The following OTX2 variants were observed in gnomAD, a reference collection of about 807,000 sequenced individuals.
The protein encoded by OTX2 is homeobox protein OTX2.
A neutral mutation model predicts 29.0 loss-of-function variants in OTX2; 4 were observed. The ratio of observed to expected loss-of-function variants is 0.14; its 90% CI spans 0.07 to 0.32. The LOEUF (loss-of-function observed/expected upper bound fraction) is 0.32, where lower values mean the gene tolerates loss of function less well. Ranked by LOEUF, OTX2 falls within the 10% of genes least tolerant of loss-of-function variation. OTX2 has a pLI of 1.00. For missense variants in OTX2, 298 were observed against 365.9 expected (o/e 0.81, Z 1.51); for synonymous variants, 134 against 141.0 (o/e 0.95, Z 0.35).
intron 1 of OTX2, 71 bp from the exon 2 acceptor site, chr14:56,810,293 C>G (rs1025509029): frequency 2.6e-5 from 4 of 152,114 alleles, no homozygotes; most frequent in Admixed American, 2.0e-4. Context: ...TCAAACACAA[C>G]CAAAAAAAAT....
chr14:56,801,417 A>T lies in OTX2; in HGVS notation c.*318T>A. The T allele has an allele frequency of 2.5e-6, 1 of 402,694 alleles. No individual in the cohort carries two copies. The allele number at this position is 402,694 out of a possible 1,614,324, so 24.9% of individuals were successfully genotyped here. A position where few individuals can be genotyped will look rare whatever the true frequency, so the allele number is the denominator to read the frequency against. On this transcript the variant is annotated 3_prime_UTR_variant, in exon 5 of 5. Transcript: ENST00000672264. This position sits in a 1 kb window ranked among gnomAD's most constrained non-coding sequence, Gnocchi z 4.2. Reference sequence around the variant, plus strand: ...TATGACCTTCCCTCCCTTCCTTCACAACTTAGTTTTGTTTGATTTTATTTT... The same window carrying T: ...TATGACCTTCCCTCCCTTCCTTCACTACTTAGTTTTGTTTGATTTTATTTT...
At position 56,804,858 on chromosome 14, in the gene OTX2, C is replaced by G. The variant is rs1020780204; in HGVS notation, c.98-495G>C. ...ACATATCTGATTGGAAAGGAAAGCA[C>G]CCGCATTTGGAGGAAGTCACGCCTC... is the stretch of plus-strand genomic sequence containing the variant. On this transcript the variant is annotated intron_variant, in intron 3 of 4. Coordinates refer to ENST00000672264, the MANE Select transcript of OTX2 (RefSeq NM_021728.4). This position sits in a 1 kb window ranked among gnomAD's most constrained non-coding sequence, Gnocchi z 4.1. 2.1e-5 allele frequency among the ~76,000 whole-genome samples: 3 copies of G among 141,510 alleles called. No homozygotes were observed. The highest frequency in any genetic ancestry group is 1.6e-5 in the Non-Finnish European group (1 of 63,946). 92.8% of individuals were successfully genotyped at this position (141,510 alleles called of 152,430 possible). A position where few individuals can be genotyped will look rare whatever the true frequency, so the allele number is the denominator to read the frequency against.
At chr14:56,803,711 A>G (rs1361162222) in intron 4 of OTX2, among the ~76,000 whole-genome samples, 1 of 152,202 alleles carries the variant, frequency 6.6e-6, no homozygotes, top group Non-Finnish European at 1.5e-5. Flanking sequence ...AGGAAAATAC[A>G]TTCTTTTTGT....
intron 2 of OTX2, chr14:56,806,873 TTCCTAAAA>T (rs1349417970): frequency 1.3e-5 from 2 of 152,228 alleles, no homozygotes; most frequent in Non-Finnish European, 2.9e-5. Flanking sequence ...GGCCTTTATT[TTCCTAAAA>T]TGTGGCACTT....
chr14:56,799,966 G>C lies in OTX2; in HGVS notation c.*1769C>G, dbSNP rs977045966. 6.6e-6 allele frequency: 1 copy of C among 152,170 alleles called. No individual in the cohort carries two copies. Among genetic ancestry groups the C allele is most frequent in the African/African-American group, 2.4e-5 (1 of 41,440 alleles). The allele number at this position is 152,170 out of a possible 1,614,324, so 9.4% of individuals were successfully genotyped here. On this transcript the variant is annotated 3_prime_UTR_variant, in exon 5 of 5. Transcript: ENST00000672264. ...ATCAAGAGTCACTTAATTTTGGTCA[G>C]CTGTAAGAGCTTAAGCAGCTTAAAA...
chr14:56,803,278 C>T (rs1293695181), intron 4 of OTX2, among the ~76,000 whole-genome samples: 2 of 152,164 alleles, frequency 1.3e-5, no homozygotes, highest in African/African-American at 4.8e-5. Context: ...GTATGGGTGC[C>T]GTAACTGTGG....
chr14:56,808,548 C>T (rs1198831599), intron 2 of OTX2, among the ~76,000 whole-genome samples: 1 of 152,140 alleles, frequency 6.6e-6, no homozygotes, highest in Non-Finnish European at 1.5e-5. Flanking sequence ...TATTAATTAT[C>T]GTTGGGAGAA....
At chr14:56,807,407 G>A (rs1036645111) in intron 2 of OTX2, among the ~76,000 whole-genome samples, 9 of 152,108 alleles carry the variant, frequency 5.9e-5, no homozygotes, top group African/African-American at 2.2e-4. Flanking sequence ...GAACTACAGT[G>A]CTATAGAGAA....
chr14:56,808,289 C>G (rs1892159544), intron 2 of OTX2, among the ~76,000 whole-genome samples: 1 of 152,204 alleles, frequency 6.6e-6, no homozygotes, highest in Admixed American at 6.5e-5. Context: ...TGCTTCTCGT[C>G]CGGGCTGATT....
At chr14:56,807,239 G>C (rs1306379186) in intron 2 of OTX2, among the ~76,000 whole-genome samples, 1 of 152,018 alleles carries the variant, frequency 6.6e-6, no homozygotes, top group African/African-American at 2.4e-5. Context: ...TCAAAATGCT[G>C]TTCTTTGGAG....
At position 56,802,185 on chromosome 14, in the gene OTX2, C is replaced by T. The variant is rs147896150; in HGVS notation, c.444G>A (p.Pro148=). The part of the protein sequence containing the change: ...QFTPPSSTSV[P]TIASSSAPVS... Reference sequence around the variant, plus strand: ...CAGGAGCACTGCTGCTGGCAATGGTCGGGACTGAGGTGCTAGAGGGGGGAG... The same window carrying T: ...CAGGAGCACTGCTGCTGGCAATGGTTGGGACTGAGGTGCTAGAGGGGGGAG... The change falls in exon 5 of 5, where the codon CCG becomes CCA. Residue 148 remains proline, a synonymous_variant. Transcript: ENST00000672264. This position sits in a 1 kb window ranked among gnomAD's most constrained non-coding sequence, Gnocchi z 4.4. 5.8e-5 allele frequency: 94 copies of T among 1,613,946 alleles called. No individual in the cohort carries two copies. Among genetic ancestry groups the T allele is most frequent in the South Asian group, 1.5e-4 (14 of 91,084 alleles).
chr14:56,805,482 T>C lies in OTX2; in HGVS notation c.-26A>G. On this transcript the variant is annotated 5_prime_UTR_variant, in exon 3 of 5. Transcript: ENST00000672264. ...GCTAAGGTTGTTTGGAGGTGCAAAG[T>C]CGGCCCAAATCGGGGGTACCCAGCT... The C allele has an allele frequency of 1.3e-6, 2 of 1,504,334 alleles. No individual in the cohort carries two copies. The highest frequency in any genetic ancestry group is 1.8e-6 in the Non-Finnish European group (2 of 1,081,716). 93.2% of individuals were successfully genotyped at this position (1,504,334 alleles called of 1,614,324 possible).
intron 2 of OTX2, among the ~76,000 whole-genome samples, chr14:56,806,020 T>C (rs1234926368): frequency 6.6e-6 from 1 of 152,104 alleles, no homozygotes; most frequent in Non-Finnish European, 1.5e-5. Flanking sequence ...ATAATGCTGA[T>C]AACAAAGCCC....
intron 4 of OTX2, among the ~76,000 whole-genome samples, chr14:56,803,378 G>A (rs698016): frequency 0.92 from 140,339 of 152,316 alleles, 65,603 homozygotes; most frequent in East Asian, 1. Context: ...TTCAAGCCTT[G>A]CAAGTGCTAA....
At position 56,804,306 on chromosome 14, in the gene OTX2, G is replaced by A. The variant is rs1203506236; in HGVS notation, c.155C>T (p.Thr52Met). ...TPRKQRRERT[T>M]FTRAQLDVLE... ...CACATCTAGCTGCGCCCGAGTGAAC[G>A]TCGTCCTCTCCCGGCGCTGTTTCCG... The change falls in exon 4 of 5, where the codon ACG (threonine) becomes ATG (methionine). Residue 52 changes from threonine (T) to methionine (M), a missense_variant. Around this residue, in one of 3 missense-constraint regions of OTX2, gnomAD observed 29 missense variants for 84.7 expected, o/e 0.34. Transcript: ENST00000672264. This position sits in a 1 kb window ranked among gnomAD's most constrained non-coding sequence, Gnocchi z 4.1. The A allele has an allele frequency of 2.5e-6, 4 of 1,614,016 alleles. No homozygotes were observed. The highest frequency in any genetic ancestry group is 3.4e-6 in the Non-Finnish European group (4 of 1,180,044).
chr14:56,807,994 C>T (rs7161732), intron 2 of OTX2, among the ~76,000 whole-genome samples: 5,100 of 149,110 alleles, frequency 0.034, 315 homozygotes, highest in African/African-American at 0.12. Context: ...CCCGCAGCCC[C>T]GCAGCCCCGC....
chr14:56,807,832 C>T (rs942820262), intron 2 of OTX2, among the ~76,000 whole-genome samples: 2 of 152,232 alleles, frequency 1.3e-5, no homozygotes, highest in African/African-American at 4.8e-5. Flanking sequence ...GAAAAATCCA[C>T]GCCTCACTAT....
intron 2 of OTX2, among the ~76,000 whole-genome samples, chr14:56,807,097 T>G (rs1892114003): frequency 6.6e-6 from 1 of 152,212 alleles, no homozygotes; most frequent in Non-Finnish European, 1.5e-5. Flanking sequence ...AAAGTCATGC[T>G]TTTCTACCCT....
At chr14:56,805,833 C>G (rs1892074492) in intron 2 of OTX2, among the ~76,000 whole-genome samples, 2 of 144,026 alleles carry the variant, frequency 1.4e-5, no homozygotes, top group South Asian at 2.3e-4. Flanking sequence ...AAAAAGTACC[C>G]GAAGAAAGCA....
Sources: allele counts gnomAD v4.1 joint callset (sites outside exome capture counted in the v4.1 genomes callset), GRCh38; gene constraint gnomAD v4.1.1; regional missense constraint gnomAD v4.1.1; non-coding constraint Gnocchi (gnomAD v3.1); transcripts MANE v1.5; gene names NCBI Gene and HGNC (gene_info 2026-07-23, HGNC 2026-07-21).